Variants in YWHAZ observed in about 807,000 individuals in gnomAD.
YWHAZ encodes the protein tyrosine 3-monooxygenase/tryptophan 5-monooxygenase activation protein zeta.
For missense variants in YWHAZ, 79 were observed against 284.8 expected (o/e 0.28, Z 5.20); for synonymous variants, 87 against 103.6 (o/e 0.84, Z 0.97).
chr8:100,927,679 A>T (rs1273215010), intron 2 of YWHAZ, among the ~76,000 whole-genome samples: 2 of 152,192 alleles, frequency 1.3e-5, no homozygotes, highest in Non-Finnish European at 1.5e-5. Context: ...TAAAAACTTA[A>T]ATTTTTTTAG....
intron 2 of YWHAZ, among the ~76,000 whole-genome samples, chr8:100,946,314 GGATCAC>G (rs1332864933): frequency 6.6e-6 from 1 of 152,152 alleles, no homozygotes; most frequent in Non-Finnish European, 1.5e-5. Flanking sequence ...CAAGGCGAGT[GGATCAC>G]CTGAGGTCAA....
chr8:100,944,865 C>T (rs1184472921), intron 2 of YWHAZ, among the ~76,000 whole-genome samples: 1 of 152,086 alleles, frequency 6.6e-6, no homozygotes, highest in East Asian at 1.9e-4. Context: ...TTCCTCAGGC[C>T]ATGCATCTAT....
In YWHAZ at chr8:100,918,408, T is replaced by TTA. The variant is rs71572094; in HGVS notation, c.*2283_*2284dup. ...AGTCTAGCTATAAAATATAATTACT[T>TTA]TATATATATATATATATATATATAT... On this transcript the variant is annotated 3_prime_UTR_variant, in exon 6 of 6. Transcript: ENST00000395958. 0.063 allele frequency: 2,614 copies of TTA among 41,622 alleles called. 192 individuals carry two copies. The highest frequency in any genetic ancestry group is 0.1 in the East Asian group (68 of 682). 2.6% of individuals were successfully genotyped at this position (41,622 alleles called of 1,614,324 possible).
At chr8:100,923,644 T>G (rs976283801) in intron 5 of YWHAZ, 1 of 192,924 alleles carries the variant, frequency 5.2e-6, no homozygotes, top group African/African-American at 2.3e-5. Flanking sequence ...TGGAGGCAAC[T>G]TGATGGGCAA....
In YWHAZ at chr8:100,948,189, C is replaced by A; in HGVS notation, c.294+407G>T. 1 of 1,470,544 alleles carries A rather than the reference C, an allele frequency of 6.8e-7. No individual in the cohort carries two copies. The highest frequency in any genetic ancestry group is 9.1e-7 in the Non-Finnish European group (1 of 1,098,862). 91.1% of individuals were successfully genotyped at this position (1,470,544 alleles called of 1,614,324 possible). A position where few individuals can be genotyped will look rare whatever the true frequency, so the allele number is the denominator to read the frequency against. On this transcript the variant is annotated intron_variant, in intron 2 of 5. Coordinates refer to ENST00000395958, the MANE Select transcript of YWHAZ (RefSeq NM_145690.3). The surrounding 1 kb of genome is among the most constrained non-coding windows in gnomAD (Gnocchi z 4.2). ...GCTAATCCTGAGAAGAGTACTATTT[C>A]TACAATGAGTATCCTATTACATCTC...
At chr8:100,926,712 T>C (rs1001978592) in intron 2 of YWHAZ, among the ~76,000 whole-genome samples, 1 of 152,228 alleles carries the variant, frequency 6.6e-6, no homozygotes, top group Non-Finnish European at 1.5e-5. Flanking sequence ...CATTCATACT[T>C]TCATATTCAA....
In YWHAZ at chr8:100,919,516, G is replaced by C. The variant is rs1477978177; in HGVS notation, c.*1177C>G. ...AGGAAGAGAGGGGATCATGGGACAT[G>C]GAAACAGTAGTTATATTAGTAGTAT... On this transcript the variant is annotated 3_prime_UTR_variant, in exon 6 of 6. Transcript: ENST00000395958. 1 of 152,174 alleles carries C rather than the reference G, an allele frequency of 6.6e-6. No individual in the cohort carries two copies. Among genetic ancestry groups the C allele is most frequent in the Non-Finnish European group, 1.5e-5 (1 of 68,010 alleles). The allele number at this position is 152,174 out of a possible 1,614,324, so 9.4% of individuals were successfully genotyped here.
At position 100,920,353 on chromosome 8, in the gene YWHAZ, A is replaced by G. The variant is rs1026030039; in HGVS notation, c.*340T>C. On this transcript the variant is annotated 3_prime_UTR_variant, in exon 6 of 6. Coordinates refer to ENST00000395958, the MANE Select transcript of YWHAZ (RefSeq NM_145690.3). ...TCCCCGCCAGGACAAACCAGTATGTAGGCAGTTTTCTTTGCTTAGACATGG... is the reference window on the plus strand; with the variant it reads ...TCCCCGCCAGGACAAACCAGTATGTGGGCAGTTTTCTTTGCTTAGACATGG... 2 of 249,688 alleles carry G rather than the reference A, an allele frequency of 8.0e-6. No individual in the cohort carries two copies. Among genetic ancestry groups the G allele is most frequent in the Non-Finnish European group, 1.5e-5 (2 of 129,758 alleles). The allele number at this position is 249,688 out of a possible 1,614,324, so 15.5% of individuals were successfully genotyped here. A position where few individuals can be genotyped will look rare whatever the true frequency, so the allele number is the denominator to read the frequency against.
In YWHAZ at chr8:100,950,997, CA is replaced by C. The variant is rs754181913; in HGVS notation, c.-12+931del. On this transcript the variant is annotated intron_variant, in intron 1 of 5. Coordinates refer to ENST00000395958, the MANE Select transcript of YWHAZ (RefSeq NM_145690.3). The stretch of plus-strand genomic sequence containing the variant: ...CAAGCACGGGAGCCGACTGCGGGCT[CA>C]CCACCCTGTTCTCTACCCCGACCTG... 604 of 285,886 alleles carry C rather than the reference CA, an allele frequency of 2.1e-3. 3 individuals are homozygous for C. The highest frequency in any genetic ancestry group is 3.4e-3 in the Admixed American group (52 of 15,424). 17.7% of individuals were successfully genotyped at this position (285,886 alleles called of 1,614,324 possible).
intron 2 of YWHAZ, among the ~76,000 whole-genome samples, chr8:100,945,816 T>TTTTTATTCCTAAAATTGACTTTTGTCTTA (rs1810224776): frequency 6.6e-6 from 1 of 152,182 alleles, no homozygotes; most frequent in Non-Finnish European, 1.5e-5. Context: ...AAGAAAAAGC[T>TTTTTATTCCTAAAATTGACTTTTGTCTTA]AGGGAAATTT....
In YWHAZ at chr8:100,918,837, C is replaced by CT. The variant is rs1812835303; in HGVS notation, c.*1855dup. 6.6e-6 allele frequency: 1 copy of CT among 152,404 alleles called. No individual in the cohort carries two copies. Among genetic ancestry groups the CT allele is most frequent in the African/African-American group, 2.4e-5 (1 of 41,336 alleles). The allele number at this position is 152,404 out of a possible 1,614,324, so 9.4% of individuals were successfully genotyped here. On this transcript the variant is annotated 3_prime_UTR_variant, in exon 6 of 6. Coordinates refer to ENST00000395958, the MANE Select transcript of YWHAZ (RefSeq NM_145690.3). Reference sequence around the variant, plus strand: ...TTACATTCTAAAAGAAAAAATACACCTTTTTTAAAATGGCATTTTTGTTTG... The same window carrying CT: ...TTACATTCTAAAAGAAAAAATACACCTTTTTTTAAAATGGCATTTTTGTTTG...
chr8:100,923,024 AC>A (rs2130105366), intron 5 of YWHAZ: 2 of 152,342 alleles, frequency 1.3e-5, no homozygotes, highest in African/African-American at 4.8e-5. Context: ...AGTATACAAT[AC>A]TATTCAAAAA....
intron 2 of YWHAZ, among the ~76,000 whole-genome samples, chr8:100,943,879 C>T (rs948515060): frequency 2.7e-5 from 4 of 149,676 alleles, no homozygotes; most frequent in South Asian, 4.3e-4. Flanking sequence ...CCCAGCTACT[C>T]GGGAGGCTGA....
At chr8:100,945,048 C>G (rs953785449) in intron 2 of YWHAZ, among the ~76,000 whole-genome samples, 4 of 152,174 alleles carry the variant, frequency 2.6e-5, no homozygotes, top group African/African-American at 9.7e-5. Flanking sequence ...TAAAGAGGTA[C>G]TAGTGTTGAG....
intron 2 of YWHAZ, among the ~76,000 whole-genome samples, chr8:100,926,991 G>A (rs1194222009): frequency 6.6e-6 from 1 of 152,166 alleles, no homozygotes; most frequent in African/African-American, 2.4e-5. Context: ...TTGAATTACA[G>A]CACTATACAC....
intron 2 of YWHAZ, among the ~76,000 whole-genome samples, chr8:100,938,074 G>A (rs1385839206): frequency 1.3e-5 from 2 of 152,196 alleles, no homozygotes; most frequent in African/African-American, 4.8e-5. Flanking sequence ...AGGTTGCGGT[G>A]AGCCAAGATC....
At chr8:100,928,562 T>C (rs1035263506) in intron 2 of YWHAZ, among the ~76,000 whole-genome samples, 1 of 151,762 alleles carries the variant, frequency 6.6e-6, no homozygotes, top group Non-Finnish European at 1.5e-5. Context: ...TAAAACCTCG[T>C]CTCTACCAAA....
intron 1 of YWHAZ, among the ~76,000 whole-genome samples, chr8:100,949,832 G>A (rs893226413): frequency 3.3e-5 from 5 of 152,084 alleles, no homozygotes; most frequent in Non-Finnish European, 7.3e-5. Context: ...TAGTTTCCTG[G>A]ACCTTTTCGA....
At chr8:100,941,718 G>A (rs1809873357) in intron 2 of YWHAZ, among the ~76,000 whole-genome samples, 1 of 151,918 alleles carries the variant, frequency 6.6e-6, no homozygotes, top group Non-Finnish European at 1.5e-5. Flanking sequence ...CCGGAAGGTG[G>A]AGGCTGCAGT....
Sources: gnomAD v4.1 joint callset for allele counts (sites outside exome capture counted in the v4.1 genomes callset) on GRCh38, gnomAD v4.1.1 for gene constraint, Gnocchi (gnomAD v3.1) non-coding constraint, MANE v1.5 for transcripts, NCBI Gene and HGNC (gene_info 2026-07-23, HGNC 2026-07-21) for gene names.